The following SEMA6C variants were observed in gnomAD, a reference collection of about 807,000 sequenced individuals.
SEMA6C encodes semaphorin 6C.
Under a neutral mutation model 72.9 loss-of-function variants are expected in SEMA6C, and 37 were observed. The ratio of observed to expected loss-of-function variants is 0.51; its 90% CI spans 0.39 to 0.67. The LOEUF is 0.67. SEMA6C is among the 30% of genes least tolerant of loss of function. The pLI is 0.00. For missense variants in SEMA6C, 1,189 were observed against 1,263.6 expected (o/e 0.94, Z 0.89); for synonymous variants, 578 against 554.1 (o/e 1.04, Z -0.61).
Position 151,133,027 on chromosome 1 carries a change from C to T in SEMA6C, c.2250G>A (p.Val750=). ...AAGGPAPRVL[V]RPPPPGCPGQ... is the part of the protein sequence containing the mutation. ...CGGGACAGCCGGGCGGCGGTGGCCT[C>T]ACCAGCACGCGGGGCGCGGGCCCGC... Residue 750 remains valine (V), a synonymous_variant, in exon 19 of 19, where the codon GTG becomes GTA. Coordinates refer to ENST00000368914, the MANE Select transcript of SEMA6C (RefSeq NM_030913.6). This position sits in a 1 kb window ranked among gnomAD's most constrained non-coding sequence, Gnocchi z 5.9. 2 of 1,400,262 alleles carry T rather than the reference C, an allele frequency of 1.4e-6. No individual in the cohort carries two copies. Among genetic ancestry groups the T allele is most frequent in the Non-Finnish European group, 9.3e-7 (1 of 1,080,524 alleles). The allele number at this position is 1,400,262 out of a possible 1,614,324, so 86.7% of individuals were successfully genotyped here.
In SEMA6C at chr1:151,135,194, TGA is replaced by T; in HGVS notation, c.1547_1548del (p.Leu516GlnfsTer25). 1 of 1,614,032 alleles carries T rather than the reference TGA, an allele frequency of 6.2e-7. No homozygotes were observed. The highest frequency in any genetic ancestry group is 1.1e-5 in the South Asian group (1 of 91,078). On this transcript the variant is annotated frameshift_variant, in exon 15 of 19. Coordinates refer to ENST00000368914, the MANE Select transcript of SEMA6C (RefSeq NM_030913.6). LOFTEE classifies it high-confidence loss of function. ...CAGGCCCCATGCCGGGCACACCGGC[TGA>T]GAGGGAGGTAGACAATACAGCCAGA... ...AFSGCIVYLP[L>X]SRCARHGACQ...
In SEMA6C at chr1:151,138,610, C is replaced by A. The variant is rs777649354; in HGVS notation, c.456+20G>T. On this transcript the variant is annotated intron_variant, in intron 7 of 18. Coordinates refer to ENST00000368914, the MANE Select transcript of SEMA6C (RefSeq NM_030913.6). ...GGGTCCCCCCAACTCCCATCCTAAC[C>A]CCCACCCTCTCTTTTGTACCCCATA... 1 of 1,608,680 alleles carries A rather than the reference C, an allele frequency of 6.2e-7. No homozygotes were observed. The highest frequency in any genetic ancestry group is 8.5e-7 in the Non-Finnish European group (1 of 1,175,116).
chr1:151,135,471 G>A lies in SEMA6C; in HGVS notation c.1433+120C>T, dbSNP rs1196869595. On this transcript the variant is annotated intron_variant, in intron 14 of 18. Transcript: ENST00000368914. ...CCAGTCTTCTCGCCAAGCCTGTCTA[G>A]CCCAGAGCTCCCACCCTGCAAAAGC... The A allele has an allele frequency of 6.9e-6, 10 of 1,450,676 alleles. No individual in the cohort carries two copies. In the East Asian group the frequency reaches 1.6e-4, roughly 23 times the overall value. The allele number at this position is 1,450,676 out of a possible 1,614,324, so 89.9% of individuals were successfully genotyped here.
Position 151,133,081 on chromosome 1 carries a change from C to G in SEMA6C, c.2196G>C (p.Pro732=). ...CCGCGTGCCCGCCCCGTGAGCGGCC[C>G]GGACCCTCCTTGGCGTTGTTCCTGT... ...NQNRNNAKEG[P]GRSRGGHAAG... The change falls in exon 19 of 19, where the codon CCG becomes CCC. Residue 732 remains proline, a synonymous_variant. Coordinates refer to ENST00000368914, the MANE Select transcript of SEMA6C (RefSeq NM_030913.6). This position sits in a 1 kb window ranked among gnomAD's most constrained non-coding sequence, Gnocchi z 5.9. 6 of 1,542,240 alleles carry G rather than the reference C, an allele frequency of 3.9e-6. No homozygotes were observed. The highest frequency in any genetic ancestry group is 1.9e-5 in the Admixed American group (1 of 51,866).
chr1:151,142,385 G>T lies in SEMA6C; in HGVS notation c.118+119C>A. On this transcript the variant is annotated intron_variant, in intron 3 of 18. Transcript: ENST00000368914. ...TCACTCTACCTGTTTCCTTCTTTTT[G>T]CTGGTCTGGCTGTTAGCTTCCTGAG... 8.1e-6 allele frequency: 9 copies of T among 1,110,402 alleles called. No homozygotes were observed. In the Admixed American group the frequency reaches 1.0e-4, roughly 13 times the overall value. The allele number at this position is 1,110,402 out of a possible 1,614,324, so 68.8% of individuals were successfully genotyped here.
In SEMA6C at chr1:151,136,896, C is replaced by A. The variant is rs754066193; in HGVS notation, c.935G>T (p.Arg312Leu). ...GGTGAAGACCCCAAAGAGAGCAGAG[C>A]GGCCATGCAGGTTCACAGGCCCAGT... ...ALTGPVNLHG[R>L]SALFGVFTTQ... The change falls in exon 11 of 19, where the codon CGC (arginine) becomes CTC (leucine). Residue 312 changes from arginine to leucine, a missense_variant. By Grantham distance (102) the Arg-to-Leu change is moderately radical. Coordinates refer to ENST00000368914, the MANE Select transcript of SEMA6C (RefSeq NM_030913.6). 6 of 1,613,926 alleles carry A rather than the reference C, an allele frequency of 3.7e-6. No individual in the cohort carries two copies. The South Asian group carries it at 6.6e-5, about 18-fold the overall frequency.
intron 2 of SEMA6C, among the ~76,000 whole-genome samples, chr1:151,142,925 C>T (rs1682671661): frequency 6.6e-6 from 1 of 152,330 alleles, no homozygotes; most frequent in East Asian, 1.9e-4. Context: ...GACACACCCA[C>T]CCCCATCTCA....
intron 4 of SEMA6C, 113 bp from the exon 5 acceptor site, chr1:151,139,814 C>T: frequency 1.6e-6 from 2 of 1,264,766 alleles, no homozygotes; most frequent in Non-Finnish European, 2.2e-6. Flanking sequence ...CTTCCCCCTT[C>T]CTCCATGCCT....
chr1:151,134,253 C>G, intron 18 of SEMA6C, 148 bp downstream of exon 18: 1 of 834,784 alleles, frequency 1.2e-6, no homozygotes, highest in South Asian at 1.5e-5. Flanking sequence ...GTGCCAAGTA[C>G]TGAGCTACAT....
intron 11 of SEMA6C, 60 bp from the exon 12 acceptor site, chr1:151,136,639 G>T: frequency 6.2e-7 from 1 of 1,600,074 alleles, no homozygotes; most frequent in Admixed American, 1.7e-5. Context: ...ACTTCCCCCA[G>T]GAAGAAGTGG....
In SEMA6C at chr1:151,132,199, A is replaced by C; in HGVS notation, c.*285T>G. ...CTGGGGGAGCCCCGAGGGGCGAGTT[A>C]AGGCAGCTTGGCTGGAAGGGAGCGG... On this transcript the variant is annotated 3_prime_UTR_variant, in exon 19 of 19. Coordinates refer to ENST00000368914, the MANE Select transcript of SEMA6C (RefSeq NM_030913.6). 1 of 1,452,534 alleles carries C rather than the reference A, an allele frequency of 6.9e-7. No individual in the cohort carries two copies. Among genetic ancestry groups the C allele is most frequent in the Admixed American group, 2.1e-5 (1 of 48,164 alleles). The allele number at this position is 1,452,534 out of a possible 1,614,324, so 90.0% of individuals were successfully genotyped here. A position where few individuals can be genotyped will look rare whatever the true frequency, so the allele number is the denominator to read the frequency against.
At chr1:151,136,325 C>G in intron 12 of SEMA6C, 123 bp downstream of exon 12, 1 of 1,489,076 alleles carries the variant, frequency 6.7e-7, no homozygotes, top group Non-Finnish European at 9.1e-7. Flanking sequence ...TTCGGCCCCA[C>G]TGCCACCCCA....
chr1:151,135,053 C>T lies in SEMA6C; in HGVS notation c.1580+110G>A, dbSNP rs983073257. 5.3e-6 allele frequency: 8 copies of T among 1,495,616 alleles called. No homozygotes were observed. The South Asian group carries it at 8.7e-5, about 16-fold the overall frequency. 92.6% of individuals were successfully genotyped at this position (1,495,616 alleles called of 1,614,324 possible). Reference sequence around the variant, plus strand: ...TCAGAATGCTTGAGGTACCTAGGCACCCCACAGCCATCCCCTGTGTTTTCC... The same window carrying T: ...TCAGAATGCTTGAGGTACCTAGGCATCCCACAGCCATCCCCTGTGTTTTCC... On this transcript the variant is annotated intron_variant, in intron 15 of 18. Coordinates refer to ENST00000368914, the MANE Select transcript of SEMA6C (RefSeq NM_030913.6).
In SEMA6C at chr1:151,133,301, C is replaced by T. The variant is rs587612988; in HGVS notation, c.1976G>A (p.Gly659Asp). 1.0e-5 allele frequency: 16 copies of T among 1,581,758 alleles called. No homozygotes were observed. In the East Asian group the frequency reaches 3.2e-4, roughly 32 times the overall value. ...GGGCGGCGGGGGCTCTGGGCCCCCA[C>T]CGTGGAGCCGGGCCAAACTGCGGAG... Reference protein sequence around the residue: ...LSLRSLARLHGGGPEPPPPSK... With the variant: ...LSLRSLARLHDGGPEPPPPSK... Residue 659 changes from glycine to aspartate, a missense_variant, in exon 19 of 19, where the codon GGT (glycine) becomes GAT (aspartate). Gly to Asp is a moderately conservative substitution (Grantham distance 94). Transcript: ENST00000368914. The surrounding 1 kb of genome is among the most constrained non-coding windows in gnomAD (Gnocchi z 5.9).
At chr1:151,134,570 C>CATGGCCATG in intron 17 of SEMA6C, 50 bp downstream of exon 17, 1 of 1,608,318 alleles carries the variant, frequency 6.2e-7, no homozygotes, top group Non-Finnish European at 8.5e-7. Context: ...CTGTGGCCAT[C>CATGGCCATG]ATGGCCATGT....
Position 151,134,438 on chromosome 1 carries a change from A to G in SEMA6C, c.1722T>C (p.Ala574=). 1 of 1,601,332 alleles carries G rather than the reference A, an allele frequency of 6.2e-7. No individual in the cohort carries two copies. The highest frequency in any genetic ancestry group is 1.1e-5 in the South Asian group (1 of 89,286). The change falls in exon 18 of 19, where the codon GCT becomes GCC. Residue 574 remains alanine, a synonymous_variant. Transcript: ENST00000368914. ...CCCCAGGGCCAGACTGACTCCCAGT[A>G]GCTCCATCTATGAAGAAGGGACAGG... ...SMEHGDCQDG[A]TGSQSGPGDS...
At chr1:151,140,865 G>A (rs1186234703) in intron 3 of SEMA6C, among the ~76,000 whole-genome samples, 1 of 152,154 alleles carries the variant, frequency 6.6e-6, no homozygotes, top group East Asian at 1.9e-4. Flanking sequence ...AGGCGTGGTG[G>A]CGGGCGCCTG....
At chr1:151,140,669 A>G (rs899140771) in intron 3 of SEMA6C, among the ~76,000 whole-genome samples, 10 of 152,224 alleles carry the variant, frequency 6.6e-5, no homozygotes, top group African/African-American at 2.2e-4. Flanking sequence ...GTCAAAGGAT[A>G]GCCAGAGTTC....
chr1:151,134,561 T>TGTGGCCATC, intron 17 of SEMA6C, 59 bp downstream of exon 17: 1 of 1,604,144 alleles, frequency 6.2e-7, no homozygotes, highest in Non-Finnish European at 8.5e-7. Flanking sequence ...GGATGGTGTC[T>TGTGGCCATC]GTGGCCATCA....
Sources: gnomAD v4.1 joint callset for allele counts (sites outside exome capture counted in the v4.1 genomes callset) on GRCh38, gnomAD v4.1.1 for gene constraint, Gnocchi (gnomAD v3.1) non-coding constraint, MANE v1.5 for transcripts, NCBI Gene and HGNC (gene_info 2026-07-23, HGNC 2026-07-21) for gene names.